Variants in C11orf65 observed in about 807,000 individuals in gnomAD.
C11orf65 encodes the protein protein MFI.
Under a neutral mutation model 35.3 loss-of-function variants are expected in C11orf65, and 38 were observed. That is an observed-to-expected ratio of 1.08 (90% CI 0.83 to 1.41). C11orf65 has a LOEUF of 1.41. C11orf65 is among the 40% of genes most tolerant of loss of function. The probability of loss-of-function intolerance (pLI) is 0.00; values close to 1 mark genes in which losing one functional copy is unlikely to be tolerated. For missense variants in C11orf65, 370 were observed against 367.1 expected (o/e 1.01, Z -0.06); for synonymous variants, 105 against 114.4 (o/e 0.92, Z 0.53).
In C11orf65 at chr11:108,318,208, A is replaced by G. The variant is rs567552430; in HGVS notation, c.641-9137T>C. On this transcript the variant is annotated intron_variant, in intron 6 of 6. Coordinates refer to the C11orf65 transcript ENST00000525729. ...GAAACCCTTTCTCTACTAAAATACA[A>G]AAAATTAGCCAGGCGTGGCAGCATG... is the stretch of plus-strand genomic sequence containing the variant. Among the ~76,000 whole-genome samples the G allele has an allele frequency of 2.6e-5, 4 of 152,156 alleles. No individual in the cohort carries two copies. In the South Asian group the frequency reaches 8.3e-4, roughly 32 times the overall value.
At chr11:108,390,728 G>C (rs1371154225) in intron 7 of C11orf65, among the ~76,000 whole-genome samples, 1 of 152,076 alleles carries the variant, frequency 6.6e-6, no homozygotes, top group Non-Finnish European at 1.5e-5. Context: ...CCTTTGTTTG[G>C]CTGTCATTTC....
intron 6 of C11orf65, among the ~76,000 whole-genome samples, chr11:108,399,173 G>A (rs541014407): frequency 6.6e-6 from 1 of 152,240 alleles, no homozygotes; most frequent in South Asian, 2.1e-4. Flanking sequence ...TTCACAGGAT[G>A]GATCATCTTG....
At chr11:108,445,753 T>G (rs2093244771) in intron 2 of C11orf65, among the ~76,000 whole-genome samples, 1 of 151,824 alleles carries the variant, frequency 6.6e-6, no homozygotes, top group Non-Finnish European at 1.5e-5. Flanking sequence ...TCACCAGCAA[T>G]GGAACAAAGC....
In C11orf65 at chr11:108,407,130, G is replaced by A. The variant is rs1431759713; in HGVS notation, c.194C>T (p.Ala65Val). Reference sequence around the variant, plus strand: ...TCTGAATCGCACATGAATGCCAGCAGCAGCATCTAGAAGCTCTGCCTATAA... The same window carrying A: ...TCTGAATCGCACATGAATGCCAGCAACAGCATCTAGAAGCTCTGCCTATAA... ...NPKEAELLDAAAGIHVRFRLG... is the reference protein window; with the variant it reads ...NPKEAELLDAVAGIHVRFRLG... The change falls in exon 4 of 9, where the codon GCT (alanine) becomes GTT (valine). Residue 65 changes from alanine (A) to valine (V), a missense_variant. Transcript: ENST00000393084. 5 of 1,608,670 alleles carry A rather than the reference G, an allele frequency of 3.1e-6. No individual in the cohort carries two copies. The highest frequency in any genetic ancestry group is 4.2e-6 in the Non-Finnish European group (5 of 1,176,512).
chr11:108,354,106 C>T (rs962350634), intron 2 of C11orf65, among the ~76,000 whole-genome samples: 4 of 150,626 alleles, frequency 2.7e-5, no homozygotes, highest in African/African-American at 4.9e-5. Context: ...CACACACACA[C>T]GGGTTAGAGA....
At chr11:108,379,870 A>T (rs2091830333), downstream of C11orf65, among the ~76,000 whole-genome samples, 1 of 152,110 alleles carries the variant, frequency 6.6e-6, no homozygotes, top group East Asian at 1.9e-4. Context: ...ATAGTCATGG[A>T]TATAATTTCT....
At chr11:108,330,613 C>T (rs1398901749), downstream of C11orf65, among the ~76,000 whole-genome samples, 1 of 152,134 alleles carries the variant, frequency 6.6e-6, no homozygotes. Context: ...AGTCTTGTTT[C>T]TACAAAAGTT....
intron 2 of C11orf65, chr11:108,356,224 A>G (rs1437312033): frequency 2.0e-5 from 3 of 152,158 alleles, no homozygotes; most frequent in Admixed American, 1.3e-4. Flanking sequence ...AAGTTATATT[A>G]TCTTGCACTT....
chr11:108,366,395 TG>T (rs1234319831), intron 2 of C11orf65: 3 of 217,568 alleles, frequency 1.4e-5, no homozygotes, highest in Non-Finnish European at 2.8e-5. Flanking sequence ...TCATTTTTAA[TG>T]TTTTTTTAAT....
At chr11:108,371,742 T>C (rs1444781547) in intron 2 of C11orf65, among the ~76,000 whole-genome samples, 4 of 152,224 alleles carry the variant, frequency 2.6e-5, no homozygotes, top group Admixed American at 2.6e-4. Flanking sequence ...TTTTTCTTTA[T>C]ACCCAGAAAC....
chr11:108,418,252 T>C (rs1026582725), intron 3 of C11orf65, among the ~76,000 whole-genome samples: 2 of 152,096 alleles, frequency 1.3e-5, no homozygotes, highest in African/African-American at 2.4e-5. Flanking sequence ...ACTGAAAAAT[T>C]TGACCTAATT....
chr11:108,447,450 A>C (rs1205218395), intron 2 of C11orf65, among the ~76,000 whole-genome samples: 153 of 152,024 alleles, frequency 1.0e-3, no homozygotes, highest in African/African-American at 3.5e-3. Context: ...GACCACAGTG[A>C]CATCAAACTA....
intron 2 of C11orf65, among the ~76,000 whole-genome samples, chr11:108,443,979 C>A (rs1243008216): frequency 1.3e-5 from 2 of 151,986 alleles, no homozygotes. Context: ...CAGAGCGGAA[C>A]TGAAAGAAAT....
At chr11:108,388,426 G>A (rs998912140) in intron 7 of C11orf65, among the ~76,000 whole-genome samples, 8 of 152,136 alleles carry the variant, frequency 5.3e-5, no homozygotes, top group Non-Finnish European at 1.5e-5. Context: ...GAAATTTTTA[G>A]ATAATAGTTA....
chr11:108,379,381 A>C (rs1031127086), downstream of C11orf65, among the ~76,000 whole-genome samples: 1 of 151,304 alleles, frequency 6.6e-6, no homozygotes, highest in African/African-American at 2.4e-5. Flanking sequence ...GCAGGACAAA[A>C]AACCAAACAC....
At chr11:108,372,809 G>A (rs984828585) in intron 2 of C11orf65, among the ~76,000 whole-genome samples, 1 of 152,136 alleles carries the variant, frequency 6.6e-6, no homozygotes, top group African/African-American at 2.4e-5. Flanking sequence ...AAGATGCCGG[G>A]CACACATCTG....
At chr11:108,452,192 A>G (rs1237422145) in intron 2 of C11orf65, among the ~76,000 whole-genome samples, 1 of 152,192 alleles carries the variant, frequency 6.6e-6, no homozygotes, top group Non-Finnish European at 1.5e-5. Flanking sequence ...GCACAGCAAA[A>G]GAAACTACCA....
intron 6 of C11orf65, 104 bp downstream of exon 6, chr11:108,405,325 C>A (rs1197877141): frequency 9.4e-6 from 11 of 1,165,412 alleles, no homozygotes; most frequent in Non-Finnish European, 1.2e-5. Flanking sequence ...TGCGGGCAGA[C>A]CCCCTGCAGC....
rs1431730536 is a variant in C11orf65 at position 108,383,152 on chromosome 11, TCTGTG to T, written c.806_810del (p.Ala269GlufsTer5). On this transcript the variant is annotated frameshift_variant, in exon 9 of 9. Coordinates refer to ENST00000393084, the MANE Select transcript of C11orf65 (RefSeq NM_152587.5). LOFTEE classifies it low-confidence loss of function (END_TRUNC). ...TCTCCTCCATAGTTATATATGTTTTTCTGTGCTTGATTAAACCTGAATCCTAAAGA... is the reference window on the plus strand; with the variant it reads ...TCTCCTCCATAGTTATATATGTTTTTCTTGATTAAACCTGAATCCTAAAGA... 6.2e-7 allele frequency: 1 copy of T among 1,601,754 alleles called. No homozygotes were observed. Among genetic ancestry groups the T allele is most frequent in the African/African-American group, 1.3e-5 (1 of 74,202 alleles).
Sources: gnomAD v4.1 joint callset for allele counts (sites outside exome capture counted in the v4.1 genomes callset) on GRCh38, gnomAD v4.1.1 for gene constraint, MANE v1.5 for transcripts, NCBI Gene and HGNC (gene_info 2026-07-23, HGNC 2026-07-21) for gene names.